ZNF425: variants seen among roughly 807,000 people sequenced by gnomAD.
The protein encoded by ZNF425 is zinc finger protein 425.
A neutral mutation model predicts 17.0 loss-of-function variants in ZNF425; 21 were observed. The ratio of observed to expected loss-of-function variants is 1.23; its 90% CI spans 0.88 to 1.78. The LOEUF (loss-of-function observed/expected upper bound fraction) is 1.78. Among genes scored for constraint, ZNF425 ranks in the 40% most tolerant of loss-of-function variants. The pLI, the probability that ZNF425 is intolerant of heterozygous loss-of-function variation, is 0.00. For synonymous variants in ZNF425, 433 were observed against 384.1 expected, an observed-to-expected ratio of 1.13 and a Z score of -1.49; for missense variants, 868 against 967.3, an observed-to-expected ratio of 0.90 and a Z score of 1.36.
rs1826011844 is a variant in ZNF425 at position 149,103,556 on chromosome 7, A to T, written c.*56T>A. ...CCTTCAACCTGCCTCAACTTGAGCC[A>T]ACAGAGCTGCTGGCACCTCCTGAAA... On this transcript the variant is annotated 3_prime_UTR_variant, in exon 4 of 4. Coordinates refer to ENST00000378061, the MANE Select transcript of ZNF425 (RefSeq NM_001001661.3). 1.3e-6 allele frequency: 2 copies of T among 1,528,254 alleles called. No homozygotes were observed. The highest frequency in any genetic ancestry group is 1.7e-6 in the Non-Finnish European group (2 of 1,144,044). 94.7% of individuals were successfully genotyped at this position (1,528,254 alleles called of 1,614,324 possible). A position where few individuals can be genotyped will look rare whatever the true frequency, so the allele number is the denominator to read the frequency against.
At chr7:149,118,370 A>C (rs1276580575) in intron 1 of ZNF425, 22 bp from the exon 2 acceptor site, 1 of 1,613,028 alleles carries the variant, frequency 6.2e-7, no homozygotes, top group Admixed American at 1.7e-5. Flanking sequence ...AATAGTATAC[A>C]CATACATTTT....
intron 2 of ZNF425, among the ~76,000 whole-genome samples, chr7:149,116,464 T>C (rs1195285608): frequency 6.6e-6 from 1 of 152,166 alleles, no homozygotes; most frequent in East Asian, 1.9e-4. Context: ...GGATTCTGCC[T>C]CTAAAGCCTA....
intron 1 of ZNF425, 43 bp downstream of exon 1, chr7:149,126,153 C>G (rs939871052): frequency 3.1e-6 from 5 of 1,612,862 alleles, no homozygotes; most frequent in Non-Finnish European, 4.2e-6. Flanking sequence ...CGACAGGGAC[C>G]CGAGTTTCGA....
chr7:149,123,178 C>T (rs1232435457), intron 1 of ZNF425, among the ~76,000 whole-genome samples: 2 of 152,152 alleles, frequency 1.3e-5, no homozygotes, highest in Non-Finnish European at 2.9e-5. Flanking sequence ...CAGGGCGGCT[C>T]TTCCTGGGTG....
chr7:149,119,094 G>A (rs987385887), intron 1 of ZNF425, among the ~76,000 whole-genome samples: 2 of 149,690 alleles, frequency 1.3e-5, no homozygotes, highest in African/African-American at 4.9e-5. Flanking sequence ...AAGTTCAGGA[G>A]TTTGAAACCA....
intron 1 of ZNF425, among the ~76,000 whole-genome samples, chr7:149,125,266 A>G (rs890105749): frequency 2.6e-5 from 4 of 152,222 alleles, no homozygotes; most frequent in African/African-American, 4.8e-5. Context: ...TGCACACTTA[A>G]GCAAGTTATA....
At chr7:149,125,893 C>A (rs1418882175) in intron 1 of ZNF425, 8 of 567,216 alleles carry the variant, frequency 1.4e-5, no homozygotes, top group Non-Finnish European at 2.2e-5. Flanking sequence ...ACGGACCTAG[C>A]GCATATACAG....
chr7:149,119,847 G>T (rs75247887), intron 1 of ZNF425, among the ~76,000 whole-genome samples: 2,162 of 152,148 alleles, frequency 0.014, 17 homozygotes, highest in African/African-American at 0.026. Context: ...TTTACATAGC[G>T]TTTATATTGT....
rs761574912 is a variant in ZNF425 at position 149,103,779 on chromosome 7, C to T, written c.2092G>A (p.Glu698Lys). 19 of 1,614,034 alleles carry T rather than the reference C, an allele frequency of 1.2e-5. No homozygotes were observed. In the Admixed American group the frequency reaches 1.7e-4, roughly 14 times the overall value. The change falls in exon 4 of 4, where the codon GAG (glutamate) becomes AAG (lysine). Residue 698 changes from glutamate to lysine, a missense_variant. By Grantham distance (56) the Glu-to-Lys change is moderately conservative (BLOSUM62 1). Coordinates refer to ENST00000378061, the MANE Select transcript of ZNF425 (RefSeq NM_001001661.3). Reference sequence around the variant, plus strand: ...TTCTGGAGGAAGCCTTTGCCACACTCGGGACACTGGAAGGGCCTCTCTCCA... The same window carrying T: ...TTCTGGAGGAAGCCTTTGCCACACTTGGGACACTGGAAGGGCCTCTCTCCA... ...HSGERPFQCPECGKGFLQKRS... is the reference protein window; with the variant it reads ...HSGERPFQCPKCGKGFLQKRS...
rs146351888 is a variant in ZNF425 at position 149,112,145 on chromosome 7, A to G, written c.296T>C (p.Leu99Pro). The change falls in exon 3 of 4, where the codon CTA becomes CCA. Residue 99 changes from leucine to proline, a missense_variant. By Grantham distance (98) the Leu-to-Pro change is moderately conservative (BLOSUM62 -3). Coordinates refer to ENST00000378061, the MANE Select transcript of ZNF425 (RefSeq NM_001001661.3). ...QLNMKNTGKL[L>P]CFDDEGTPRT... is the part of the protein sequence containing the mutation. Reference sequence around the variant, plus strand: ...AAATCCATCTTACTCACCAAAACATAGCAACTTTCCAGTATTCTTCATGTT... The same window carrying G: ...AAATCCATCTTACTCACCAAAACATGGCAACTTTCCAGTATTCTTCATGTT... The G allele has an allele frequency of 6.2e-7, 1 of 1,613,340 alleles. No homozygotes were observed. The highest frequency in any genetic ancestry group is 2.2e-5 in the East Asian group (1 of 44,880).
At chr7:149,118,371 C>T (rs1342727152) in intron 1 of ZNF425, 23 bp from the exon 2 acceptor site, 3 of 1,612,956 alleles carry the variant, frequency 1.9e-6, no homozygotes, top group South Asian at 2.2e-5. Flanking sequence ...ATAGTATACA[C>T]ATACATTTTT....
At chr7:149,105,670 C>T (rs933311854) in intron 3 of ZNF425, 104 bp from the exon 4 acceptor site, 20 of 773,196 alleles carry the variant, frequency 2.6e-5, no homozygotes, top group African/African-American at 5.5e-5. Context: ...TTATTTTTTG[C>T]GATAGAGTCT....
At position 149,112,440 on chromosome 7, in the gene ZNF425, C is replaced by T. The variant is rs1826189954; in HGVS notation, c.146-145G>A. The T allele has an allele frequency of 7.7e-6, 5 of 647,152 alleles. No homozygotes were observed. The East Asian group carries it at 1.4e-4, about 18-fold the overall frequency. The allele number at this position is 647,152 out of a possible 1,614,324, so 40.1% of individuals were successfully genotyped here. Reference sequence around the variant, plus strand: ...CTTGAGGTCAGGAGTTAGAGACCAGCCTGGCCAACACAGCAAACTCCGTCT... The same window carrying T: ...CTTGAGGTCAGGAGTTAGAGACCAGTCTGGCCAACACAGCAAACTCCGTCT... On this transcript the variant is annotated intron_variant, in intron 2 of 3. Coordinates refer to ENST00000378061, the MANE Select transcript of ZNF425 (RefSeq NM_001001661.3).
intron 1 of ZNF425, among the ~76,000 whole-genome samples, chr7:149,122,186 C>A (rs1370392069): frequency 6.6e-6 from 1 of 151,858 alleles, no homozygotes; most frequent in Non-Finnish European, 1.5e-5. Context: ...CCACTCTCGG[C>A]CTCCCAAAGT....
intron 1 of ZNF425, among the ~76,000 whole-genome samples, chr7:149,123,328 A>T (rs1002176463): frequency 7.2e-5 from 11 of 152,198 alleles, no homozygotes; most frequent in African/African-American, 2.7e-4. Flanking sequence ...ATCTTGAAAG[A>T]TGGCTAAGGC....
intron 2 of ZNF425, among the ~76,000 whole-genome samples, chr7:149,116,228 A>T (rs947605101): frequency 6.6e-6 from 1 of 152,206 alleles, no homozygotes; most frequent in Non-Finnish European, 1.5e-5. Context: ...ACGTCTTCCA[A>T]TTCTGTAAAT....
chr7:149,117,642 C>CTTTTTTTTTTTTTT (rs869026303), intron 2 of ZNF425, among the ~76,000 whole-genome samples: 1 of 54,958 alleles, frequency 1.8e-5, no homozygotes, highest in Non-Finnish European at 3.0e-5. Context: ...CTTAGTAATT[C>CTTTTTTTTTTTTTT]TTTTTTTTTT....
chr7:149,124,457 C>A (rs1826417709), intron 1 of ZNF425, among the ~76,000 whole-genome samples: 2 of 152,058 alleles, frequency 1.3e-5, no homozygotes, highest in African/African-American at 4.8e-5. Flanking sequence ...GTCCGGATGG[C>A]CTTGTTATTT....
In ZNF425 at chr7:149,104,293, G is replaced by C. The variant is rs1563144454; in HGVS notation, c.1578C>G (p.Phe526Leu). 1.2e-6 allele frequency: 2 copies of C among 1,613,708 alleles called. No individual in the cohort carries two copies. Among genetic ancestry groups the C allele is most frequent in the Non-Finnish European group, 1.7e-6 (2 of 1,180,034 alleles). Residue 526 changes from phenylalanine (F) to leucine (L), a missense_variant, in exon 4 of 4, where the codon TTC (phenylalanine) becomes TTG (leucine). Coordinates refer to ENST00000378061, the MANE Select transcript of ZNF425 (RefSeq NM_001001661.3). The surrounding 1 kb of genome is among the most constrained non-coding windows in gnomAD (Gnocchi z 4.3). ...AACTGCGGCCGCACTCGGCGCAGGAGAACGGCTTTTCCGTGGTGTGGACCT... is the reference window on the plus strand; with the variant it reads ...AACTGCGGCCGCACTCGGCGCAGGACAACGGCTTTTCCGTGGTGTGGACCT... ...HLKVHTTEKP[F>L]SCAECGRSFR...
Sources: gnomAD v4.1 joint callset for allele counts (sites outside exome capture counted in the v4.1 genomes callset) on GRCh38, gnomAD v4.1.1 for gene constraint, Gnocchi (gnomAD v3.1) non-coding constraint, MANE v1.5 for transcripts, NCBI Gene and HGNC (gene_info 2026-07-23, HGNC 2026-07-21) for gene names.